ATM: variants seen among roughly 807,000 people sequenced by gnomAD.
ATM encodes ATM serine/threonine kinase.
In ATM, 308 loss-of-function variants were observed where a neutral mutation model predicts 387.0. That is an observed-to-expected ratio of 0.80 (90% CI 0.73 to 0.87). ATM has a LOEUF of 0.87. Among genes scored for constraint, ATM ranks in the 40% least tolerant of loss-of-function variants. The pLI is 0.00. For missense variants in ATM, 3,312 were observed against 3,560.9 expected, an observed-to-expected ratio of 0.93 and a Z score of 1.78; for synonymous variants, 1,156 against 1,187.3, an observed-to-expected ratio of 0.97 and a Z score of 0.54.
intron 61 of ATM, chr11:108,355,146 A>G (rs1469192598): frequency 2.2e-6 from 1 of 457,370 alleles, no homozygotes; most frequent in Non-Finnish European, 4.0e-6. Flanking sequence ...TTTGACATTT[A>G]GATATTCCAT....
chr11:108,284,721 C>T (rs2082402309), intron 26 of ATM, among the ~76,000 whole-genome samples: 1 of 152,100 alleles, frequency 6.6e-6, no homozygotes, highest in Non-Finnish European at 1.5e-5. Context: ...GAATAATTTT[C>T]TTCTGCCATT....
intron 33 of ATM, among the ~76,000 whole-genome samples, chr11:108,299,021 G>A (rs865876212): frequency 2.0e-5 from 3 of 152,190 alleles, no homozygotes; most frequent in South Asian, 2.1e-4. Context: ...TTAGACGTGA[G>A]TCACTAAGTA....
At chr11:108,295,094 T>C (rs2135839488) in intron 32 of ATM, 35 bp downstream of exon 32, 3 of 1,612,202 alleles carry the variant, frequency 1.9e-6, no homozygotes, top group Non-Finnish European at 2.5e-6. Flanking sequence ...TATTTCTACC[T>C]GTTTCTTTTT....
intron 4 of ATM, chr11:108,230,219 C>G (rs2078943184): frequency 6.6e-6 from 1 of 152,102 alleles, no homozygotes; most frequent in African/African-American, 2.4e-5. Context: ...AGATCGAGAC[C>G]AGCCTGACCA....
Position 108,325,498 on chromosome 11 carries a change from A to G in ATM, c.6761A>G (p.His2254Arg), listed in dbSNP as rs1565518950. Residue 2254 changes from histidine to arginine, a missense_variant, in exon 46 of 63, where the codon CAC (histidine) becomes CGC (arginine). By Grantham distance (29) the His-to-Arg change is conservative. Coordinates refer to ENST00000675843, the MANE Select transcript of ATM (RefSeq NM_000051.4). ...RECIKDILTK[H>R]LVELSILART... ...TGTATTAAGGACATTCTCACCAAACACCTTGTAGAACTCTCTATACTGGCC... is the reference window on the plus strand; with the variant it reads ...TGTATTAAGGACATTCTCACCAAACGCCTTGTAGAACTCTCTATACTGGCC... 6.2e-7 allele frequency: 1 copy of G among 1,612,854 alleles called. No individual in the cohort carries two copies. Among genetic ancestry groups the G allele is most frequent in the Non-Finnish European group, 8.5e-7 (1 of 1,179,718 alleles).
At position 108,304,660 on chromosome 11, in the gene ATM, G is replaced by C. The variant is rs3092828; in HGVS notation, c.5497-15G>C. On this transcript the variant is annotated splice_polypyrimidine_tract_variant and intron_variant, in intron 36 of 62. Coordinates refer to ENST00000675843, the MANE Select transcript of ATM (RefSeq NM_000051.4). The stretch of plus-strand genomic sequence containing the variant: ...TTTACTCAAACTATTGGGTGGATTT[G>C]TTTGTATATTCTAGGTGAAAACTGA... 8,152 of 1,611,928 alleles carry C rather than the reference G, an allele frequency of 5.1e-3. 40 individuals carry two copies. The highest frequency in any genetic ancestry group is 6.7e-3 in the South Asian group (607 of 91,010).
chr11:108,315,555 G>A (rs941418215), intron 40 of ATM, among the ~76,000 whole-genome samples: 2 of 151,760 alleles, frequency 1.3e-5, no homozygotes, highest in Non-Finnish European at 2.9e-5. Flanking sequence ...TGTGGTTTGT[G>A]AATTTTTTCA....
chr11:108,313,352 C>G (rs1237828717), intron 40 of ATM, among the ~76,000 whole-genome samples: 1 of 152,038 alleles, frequency 6.6e-6, no homozygotes, highest in Non-Finnish European at 1.5e-5. Context: ...ATCACCCTCT[C>G]TCTTCCTTCC....
chr11:108,317,652 T>TAGACAC (rs1399501257), intron 43 of ATM, 131 bp downstream of exon 43: 1 of 117,468 alleles, frequency 8.5e-6, no homozygotes, highest in African/African-American at 5.1e-5. Flanking sequence ...TATATATATA[T>TAGACAC]ACACACACAC....
In ATM at chr11:108,244,114, G is replaced by A. The variant is rs2135227395; in HGVS notation, c.658G>A (p.Ala220Thr). The A allele has an allele frequency of 3.1e-6, 5 of 1,613,630 alleles. No homozygotes were observed. The highest frequency in any genetic ancestry group is 4.2e-6 in the Non-Finnish European group (5 of 1,179,814). ...LDFFSKAIQCARQEKSSSGLN... is the reference protein window; with the variant it reads ...LDFFSKAIQCTRQEKSSSGLN... ...CTTTTTTTCCAAGGCTATTCAGTGT[G>A]CGAGGTAATCTAATCTCTTTTTCTT... is the stretch of plus-strand genomic sequence containing the variant. The change falls in exon 6 of 63, where the codon GCG (alanine) becomes ACG (threonine). Residue 220 changes from alanine (A) to threonine (T), a missense_variant. Physicochemically the swap from Ala to Thr is moderately conservative, Grantham distance 58. Coordinates refer to ENST00000675843, the MANE Select transcript of ATM (RefSeq NM_000051.4).
At chr11:108,334,423 A>G (rs2086610529) in intron 54 of ATM, among the ~76,000 whole-genome samples, 1 of 152,226 alleles carries the variant, frequency 6.6e-6, no homozygotes, top group Admixed American at 6.5e-5. Context: ...TGATACACTT[A>G]GCTCTGTTCT....
At chr11:108,358,357 T>A (rs1385197685) in intron 61 of ATM, among the ~76,000 whole-genome samples, 16 of 144,662 alleles carry the variant, frequency 1.1e-4, no homozygotes, top group South Asian at 4.6e-4. Flanking sequence ...TGGAACCAAG[T>A]TGGAAAACAC....
chr11:108,346,093 C>T (rs2088351449), intron 58 of ATM, among the ~76,000 whole-genome samples, 185 bp downstream of exon 58: 1 of 152,020 alleles, frequency 6.6e-6, no homozygotes, highest in Non-Finnish European at 1.5e-5. Context: ...TTAGTGTCTA[C>T]CTTTTTATAA....
chr11:108,356,040 TTC>T (rs1384486168), intron 61 of ATM: 1 of 152,244 alleles, frequency 6.6e-6, no homozygotes, highest in Non-Finnish European at 1.5e-5. Flanking sequence ...TAAAAATACA[TTC>T]TTTTTTCTTT....
In ATM at chr11:108,333,899, TC is replaced by T; in HGVS notation, c.7943del (p.Pro2648GlnfsTer12). On this transcript the variant is annotated frameshift_variant, in exon 54 of 63. Transcript: ENST00000675843. LOFTEE classifies it high-confidence loss of function. ...WKTQRKGINI[P>X]ADQPITKLKN... ...TTTTAAATACAGAAGGCATAAATAT[TC>T]CAGCAGACCAGCCAATTACTAAACT... The T allele has an allele frequency of 6.2e-7, 1 of 1,608,534 alleles. No homozygotes were observed. The highest frequency in any genetic ancestry group is 8.5e-7 in the Non-Finnish European group (1 of 1,174,982).
intron 61 of ATM, among the ~76,000 whole-genome samples, chr11:108,357,310 G>A (rs145703988): frequency 8.3e-4 from 122 of 147,166 alleles, no homozygotes; most frequent in South Asian, 1.5e-3. Context: ...ACGGAGTCTC[G>A]CTGATTGCTA....
At chr11:108,339,408 A>C (rs1330285785) in intron 56 of ATM, among the ~76,000 whole-genome samples, 1 of 152,122 alleles carries the variant, frequency 6.6e-6, no homozygotes, top group African/African-American at 2.4e-5. Flanking sequence ...TGGGGAGAGA[A>C]GCCATAATAT....
At chr11:108,328,983 T>G in intron 48 of ATM, 38 bp from the exon 49 acceptor site, 3 of 1,563,692 alleles carry the variant, frequency 1.9e-6, no homozygotes, top group Non-Finnish European at 2.6e-6. Flanking sequence ...TATTTAGTAT[T>G]TGTAAATATA....
At chr11:108,339,453 C>A (rs2136811944) in intron 56 of ATM, among the ~76,000 whole-genome samples, 1 of 152,138 alleles carries the variant, frequency 6.6e-6, no homozygotes, top group South Asian at 2.1e-4. Context: ...GAATTAACTT[C>A]ATTTCTGTGT....
Sources: allele counts gnomAD v4.1 joint callset (sites outside exome capture counted in the v4.1 genomes callset), GRCh38; gene constraint gnomAD v4.1.1; transcripts MANE v1.5; gene names NCBI Gene and HGNC (gene_info 2026-07-23, HGNC 2026-07-21).